The following TTC3 variants were observed in gnomAD, a reference collection of about 807,000 sequenced individuals.
TTC3 encodes E3 ubiquitin-protein ligase TTC3.
Under a neutral mutation model 249.6 loss-of-function variants are expected in TTC3, and 180 were observed. That is an observed-to-expected ratio of 0.72 (90% confidence interval 0.64 to 0.82). The LOEUF (loss-of-function observed/expected upper bound fraction) is 0.82, where lower values mean the gene tolerates loss of function less well. Among genes scored for constraint, TTC3 ranks in the 40% least tolerant of loss-of-function variants. The pLI, the probability that TTC3 is intolerant of heterozygous loss-of-function variation, is 0.00. For synonymous variants in TTC3, 717 were observed against 805.0 expected, an observed-to-expected ratio of 0.89 and a Z score of 1.85; for missense variants, 2,061 against 2,398.4, an observed-to-expected ratio of 0.86 and a Z score of 2.94.
At chr21:37,160,996 TG>T (rs1353665547) in intron 30 of TTC3, 138 bp downstream of exon 30, 1 of 803,406 alleles carries the variant, frequency 1.2e-6, no homozygotes, top group African/African-American at 1.8e-5. Context: ...AAAGATGTTT[TG>T]GCAGTCTTCT....
intron 1 of TTC3, among the ~76,000 whole-genome samples, chr21:37,075,876 AT>A (rs1008772254): frequency 2.0e-5 from 3 of 151,940 alleles, no homozygotes; most frequent in African/African-American, 7.2e-5. Flanking sequence ...AATTAAAAGT[AT>A]TTTTTTTCTT....
In TTC3 at chr21:37,162,079, A is replaced by T. The variant is rs774759901; in HGVS notation, c.3170+16A>T. On this transcript the variant is annotated intron_variant, in intron 31 of 45. Coordinates refer to ENST00000355666, the Ensembl canonical transcript of TTC3. ...AAGACCATAGGTAAGTATAATTTTT[A>T]AATTTTTGCTTCATTTTAACTCAAA... 2 of 1,488,388 alleles carry T rather than the reference A, an allele frequency of 1.3e-6. No homozygotes were observed. Among genetic ancestry groups the T allele is most frequent in the Non-Finnish European group, 1.8e-6 (2 of 1,098,734 alleles). The allele number at this position is 1,488,388 out of a possible 1,614,324, so 92.2% of individuals were successfully genotyped here. A position where few individuals can be genotyped will look rare whatever the true frequency, so the allele number is the denominator to read the frequency against.
intron 32 of TTC3, among the ~76,000 whole-genome samples, chr21:37,165,158 T>C (rs549424594): frequency 6.6e-6 from 1 of 152,346 alleles, no homozygotes; most frequent in Non-Finnish European, 1.5e-5. Context: ...CAAATTCAAA[T>C]AGGATTTGTT....
intron 10 of TTC3, among the ~76,000 whole-genome samples, chr21:37,103,533 CAT>C (rs533966712): frequency 5.1e-4 from 78 of 152,228 alleles, no homozygotes; most frequent in African/African-American, 1.7e-3. Flanking sequence ...AGGATGTGGT[CAT>C]ATGCCAGTAA....
chr21:37,156,403 A>G (rs978293157), intron 27 of TTC3, among the ~76,000 whole-genome samples: 1 of 152,192 alleles, frequency 6.6e-6, no homozygotes, highest in Admixed American at 6.5e-5. Flanking sequence ...AAAGGTAACT[A>G]TGATAGTAGA....
exon 18 of TTC3, chr21:37,135,453 G>A: frequency 6.2e-7 from 1 of 1,614,024 alleles, no homozygotes; most frequent in Non-Finnish European, 8.5e-7. Flanking sequence ...GAGCAGCGTT[G>A]CCGCAGCGCT....
intron 11 of TTC3, among the ~76,000 whole-genome samples, chr21:37,119,298 T>C (rs769662960): frequency 6.6e-6 from 1 of 152,234 alleles, no homozygotes; most frequent in African/African-American, 2.4e-5. Context: ...TTCTGAGTAC[T>C]CTACTTGAAG....
chr21:37,132,690 C>T (rs778396936), exon 17 of TTC3: 2 of 1,595,646 alleles, frequency 1.3e-6, no homozygotes, highest in Non-Finnish European at 1.7e-6. Flanking sequence ...AGTTCTAGTT[C>T]ACCATTGACT....
rs58809719 is a variant in TTC3 at position 37,081,109 on chromosome 21, C to CTTTT, written c.-11-6114_-11-6111dup. ...AGTGTGCTGCCAGTTTTATTTATGC[C>CTTTT]TTTTTTTTTTTTTTTTTTTTTTTTT... On this transcript the variant is annotated intron_variant, in intron 1 of 45. Coordinates refer to ENST00000355666, the Ensembl canonical transcript of TTC3. 6.0e-4 allele frequency among the ~76,000 whole-genome samples: 35 copies of CTTTT among 58,190 alleles called. 6 individuals carry two copies. Among genetic ancestry groups the CTTTT allele is most frequent in the East Asian group, 1.6e-3 (3 of 1,912 alleles). The allele number at this position is 58,190 out of a possible 152,430, so 38.2% of individuals were successfully genotyped here.
At chr21:37,129,721 C>G (rs769433243) in intron 16 of TTC3, among the ~76,000 whole-genome samples, 7 of 152,252 alleles carry the variant, frequency 4.6e-5, no homozygotes, top group Non-Finnish European at 1.0e-4. Flanking sequence ...GGCTTGAACT[C>G]CTAGACTCTA....
chr21:37,081,051 G>A (rs2071568094), intron 1 of TTC3, among the ~76,000 whole-genome samples: 1 of 150,852 alleles, frequency 6.6e-6, no homozygotes, highest in Admixed American at 6.6e-5. Flanking sequence ...CTGTCAGTAG[G>A]GTAGGAATAC....
In TTC3 at chr21:37,117,517, G is replaced by T. The variant is rs952012280; in HGVS notation, c.901-4300G>T. 5.9e-5 allele frequency among the ~76,000 whole-genome samples: 9 copies of T among 152,090 alleles called. No homozygotes were observed. The East Asian group carries it at 1.7e-3, about 29-fold the overall frequency. Reference sequence around the variant, plus strand: ...AATGAATGATAGAATTCCAAATACTGAAACCCAAACCATGATACTGGTTTT... The same window carrying T: ...AATGAATGATAGAATTCCAAATACTTAAACCCAAACCATGATACTGGTTTT... On this transcript the variant is annotated intron_variant, in intron 11 of 45. Coordinates refer to ENST00000355666, the Ensembl canonical transcript of TTC3.
intron 20 of TTC3, among the ~76,000 whole-genome samples, chr21:37,141,645 G>T (rs1002809397): frequency 1.3e-5 from 2 of 152,090 alleles, no homozygotes; most frequent in Non-Finnish European, 2.9e-5. Context: ...GTGCGTGCCT[G>T]TAGTTCCAGC....
At chr21:37,087,181 A>T (rs981919182) in intron 1 of TTC3, 66 bp from the exon 2 acceptor site, 6 of 1,564,306 alleles carry the variant, frequency 3.8e-6, no homozygotes, top group Non-Finnish European at 5.2e-6. Context: ...CATAGAAGCC[A>T]GGAAAACTTT....
chr21:37,201,463 G>T (rs1201527869), exon 46 of TTC3: 1 of 1,613,936 alleles, frequency 6.2e-7, no homozygotes, highest in Non-Finnish European at 8.5e-7. Flanking sequence ...GGCTTAAAGG[G>T]CAGAGCGCTT....
intron 42 of TTC3, among the ~76,000 whole-genome samples, chr21:37,196,389 A>T (rs1233988821): frequency 6.6e-6 from 1 of 151,930 alleles, no homozygotes; most frequent in Admixed American, 6.6e-5. Context: ...GGCATGCATG[A>T]CTAAGCCTGG....
intron 34 of TTC3, among the ~76,000 whole-genome samples, chr21:37,171,940 A>G (rs2081837398): frequency 6.6e-6 from 1 of 152,238 alleles, no homozygotes; most frequent in Non-Finnish European, 1.5e-5. Flanking sequence ...CAGGGAGGAC[A>G]GTTACCTGCA....
chr21:37,195,817 C>T, exon 42 of TTC3: 2 of 1,614,238 alleles, frequency 1.2e-6, no homozygotes, highest in Non-Finnish European at 1.7e-6. Flanking sequence ...GGGGAGGCTC[C>T]TTCTGCGCTG....
chr21:37,156,308 G>T (rs1443770916), intron 27 of TTC3, among the ~76,000 whole-genome samples: 1 of 152,080 alleles, frequency 6.6e-6, no homozygotes, highest in Non-Finnish European at 1.5e-5. Flanking sequence ...AAGTGCTGGG[G>T]TTACGGGCCT....
Sources: allele counts gnomAD v4.1 joint callset (sites outside exome capture counted in the v4.1 genomes callset), GRCh38; gene constraint gnomAD v4.1.1; transcripts MANE v1.5; gene names NCBI Gene and HGNC (gene_info 2026-07-23, HGNC 2026-07-21).